PCDHA2: variants seen among roughly 807,000 people sequenced by gnomAD.
PCDHA2 encodes protocadherin alpha-2.
Under a neutral mutation model 66.0 loss-of-function variants are expected in PCDHA2, and 58 were observed. The ratio of observed to expected loss-of-function variants is 0.88; its 90% CI spans 0.71 to 1.09. The LOEUF (loss-of-function observed/expected upper bound fraction) is 1.09, where lower values mean the gene tolerates loss of function less well. Among genes scored for constraint, PCDHA2 ranks in the 50% least tolerant of loss-of-function variants. The pLI, the probability that PCDHA2 is intolerant of heterozygous loss-of-function variation, is 0.00. For missense variants in PCDHA2, 1,267 were observed against 1,242.3 expected (o/e 1.02, Z -0.30); for synonymous variants, 634 against 554.0 (o/e 1.14, Z -2.03).
rs2150161995 is a variant in PCDHA2 at position 140,829,027 on chromosome 5, A to G, written c.2388+31675A>G. ...TTCGGGGTAATTTGGATTTTGAACA[A>G]GAAAACTTATACAAAATCCTCATTG... On this transcript the variant is annotated intron_variant, in intron 1 of 3. Transcript: ENST00000526136. The G allele has an allele frequency of 2.5e-6, 4 of 1,613,610 alleles. No homozygotes were observed. The South Asian group carries it at 4.4e-5, about 18-fold the overall frequency.
chr5:140,864,928 T>C (rs2048657742), intron 1 of PCDHA2: 1 of 152,144 alleles, frequency 6.6e-6, no homozygotes, highest in Non-Finnish European at 1.5e-5. Flanking sequence ...CTTGGCAGGG[T>C]GTCTCAGGCC....
chr5:140,944,209 A>T (rs1003348568), intron 1 of PCDHA2, among the ~76,000 whole-genome samples: 5 of 152,298 alleles, frequency 3.3e-5, no homozygotes, highest in Non-Finnish European at 5.9e-5. Flanking sequence ...TTGTTTTTAA[A>T]GAGGGTTTTA....
intron 1 of PCDHA2, among the ~76,000 whole-genome samples, chr5:140,893,569 A>G (rs750933580): frequency 3.3e-5 from 5 of 152,120 alleles, no homozygotes; most frequent in Non-Finnish European, 7.4e-5. Flanking sequence ...GTACTTCCTC[A>G]GTTTTTGCTT....
intron 3 of PCDHA2, among the ~76,000 whole-genome samples, chr5:140,984,830 T>C (rs2097123075): frequency 6.6e-6 from 1 of 152,220 alleles, no homozygotes; most frequent in South Asian, 2.1e-4. Context: ...TTACCCTTTC[T>C]GTAAATTGGG....
At chr5:140,868,805 C>A in intron 1 of PCDHA2, 2 of 356,420 alleles carry the variant, frequency 5.6e-6, no homozygotes, top group Non-Finnish European at 5.0e-6. Context: ...TAAATAAGCA[C>A]GTTGGAAATA....
At chr5:140,906,719 T>C (rs1282384270) in intron 1 of PCDHA2, among the ~76,000 whole-genome samples, 1 of 152,218 alleles carries the variant, frequency 6.6e-6, no homozygotes, top group East Asian at 1.9e-4. Flanking sequence ...GCCTGGATTG[T>C]GCTGTTGTAG....
intron 1 of PCDHA2, chr5:140,861,587 G>A (rs781869263): frequency 4.3e-5 from 16 of 374,992 alleles, no homozygotes; most frequent in Middle Eastern, 1.0e-3. Context: ...TCCATGTGGA[G>A]GTGAAAGTGA....
chr5:140,967,087 G>T (rs782556858), intron 1 of PCDHA2: 2 of 1,613,138 alleles, frequency 1.2e-6, no homozygotes, highest in East Asian at 4.5e-5. Flanking sequence ...GCATTGATCG[G>T]GAGGCGCTGT....
chr5:140,927,071 G>A lies in PCDHA2; in HGVS notation c.2389-51878G>A. 3 of 1,611,088 alleles carry A rather than the reference G, an allele frequency of 1.9e-6. No homozygotes were observed. The highest frequency in any genetic ancestry group is 2.5e-6 in the Non-Finnish European group (3 of 1,177,862). On this transcript the variant is annotated intron_variant, in intron 1 of 3. Transcript: ENST00000526136. ...TCGCGGAACTTTCGCTTCCTTTCCAGCCACCGCGAGCTCTACTTCGGGGTG... is the reference window on the plus strand; with the variant it reads ...TCGCGGAACTTTCGCTTCCTTTCCAACCACCGCGAGCTCTACTTCGGGGTG...
chr5:140,862,682 T>C (rs536714837), intron 1 of PCDHA2: 55 of 551,686 alleles, frequency 1.0e-4, no homozygotes, highest in South Asian at 7.3e-4. Flanking sequence ...AACGTGCTGG[T>C]GTCCTACTCG....
chr5:141,008,430 GC>G (rs1252417058), intron 3 of PCDHA2, among the ~76,000 whole-genome samples: 2 of 152,260 alleles, frequency 1.3e-5, no homozygotes, highest in African/African-American at 4.8e-5. Context: ...GGATCACTTT[GC>G]CCAGACAGAC....
At chr5:140,983,977 C>T (rs566705604) in intron 3 of PCDHA2, among the ~76,000 whole-genome samples, 20 of 152,234 alleles carry the variant, frequency 1.3e-4, no homozygotes, top group Non-Finnish European at 2.4e-4. Flanking sequence ...AAAAAATATA[C>T]GAGTTGAAGC....
At chr5:140,842,503 C>T (rs2150337582) in intron 1 of PCDHA2, 40 of 1,613,818 alleles carry the variant, frequency 2.5e-5, no homozygotes, top group South Asian at 2.0e-4. Context: ...CCCATGTCCC[C>T]TTCAAGCTGG....
intron 1 of PCDHA2, among the ~76,000 whole-genome samples, chr5:140,973,759 C>G (rs1050304490): frequency 2.0e-5 from 3 of 152,250 alleles, no homozygotes; most frequent in Non-Finnish European, 4.4e-5. Flanking sequence ...TGCAGGGACA[C>G]AGCCTGGCAT....
At chr5:140,835,601 A>C (rs2150239166) in intron 1 of PCDHA2, 1 of 1,613,906 alleles carries the variant, frequency 6.2e-7, no homozygotes, top group South Asian at 1.1e-5. Flanking sequence ...ATTACTATTC[A>C]TTGGTGCTGG....
chr5:140,928,694 C>T, intron 1 of PCDHA2: 1 of 1,614,166 alleles, frequency 6.2e-7, no homozygotes, highest in South Asian at 1.1e-5. Flanking sequence ...TACCACATCT[C>T]CCGGGCGTCT....
intron 3 of PCDHA2, among the ~76,000 whole-genome samples, chr5:141,009,108 A>G (rs529319870): frequency 5.3e-5 from 8 of 152,346 alleles, no homozygotes; most frequent in African/African-American, 1.9e-4. Context: ...TGTTACTATG[A>G]AACTAGATTC....
intron 1 of PCDHA2, chr5:140,882,349 T>TC (rs1396642305): frequency 5.0e-6 from 8 of 1,613,872 alleles, no homozygotes; most frequent in Non-Finnish European, 6.8e-6. Context: ...GGGAGACGGG[T>TC]AGTGGCCAGC....
intron 1 of PCDHA2, chr5:140,836,460 C>G (rs2150261551): frequency 6.2e-7 from 1 of 1,613,848 alleles, no homozygotes; most frequent in South Asian, 1.1e-5. Context: ...AGAGACCGAG[C>G]TGGTGGATGT....
Sources: gnomAD v4.1 joint callset for allele counts (sites outside exome capture counted in the v4.1 genomes callset) on GRCh38, gnomAD v4.1.1 for gene constraint, MANE v1.5 for transcripts, NCBI Gene and HGNC (gene_info 2026-07-23, HGNC 2026-07-21) for gene names.